THEMIS: variants seen among roughly 807,000 people sequenced by gnomAD.
THEMIS encodes the protein protein THEMIS.
In THEMIS, 37 loss-of-function variants were observed where a neutral mutation model predicts 52.6. The observed-to-expected ratio is 0.70, with a 90% CI of 0.54 to 0.93. The LOEUF (loss-of-function observed/expected upper bound fraction) is 0.93. THEMIS is among the 40% of genes least tolerant of loss of function. THEMIS has a pLI of 0.00. For synonymous variants in THEMIS, 292 were observed against 272.7 expected, an observed-to-expected ratio of 1.07 and a Z score of -0.70; for missense variants, 808 against 763.1, an observed-to-expected ratio of 1.06 and a Z score of -0.69.
At chr6:127,758,808 AAG>A (rs1035689498) in intron 4 of THEMIS, among the ~76,000 whole-genome samples, 1 of 152,140 alleles carries the variant, frequency 6.6e-6, no homozygotes, top group Non-Finnish European at 1.5e-5. Flanking sequence ...TTTTGTGAAA[AAG>A]AAACTGTTTC....
intron 5 of THEMIS, among the ~76,000 whole-genome samples, chr6:127,718,909 C>T (rs774491133): frequency 6.6e-6 from 1 of 151,686 alleles, no homozygotes; most frequent in Non-Finnish European, 1.5e-5. Flanking sequence ...ACTTCAGAGA[C>T]TTTATCTAGT....
At chr6:127,698,165 T>C in the THEMIS span, among the ~76,000 whole-genome samples, 1 of 152,166 alleles carries the variant, frequency 6.6e-6, no homozygotes. Context: ...TAACTTGATC[T>C]TATGAAATTT....
chr6:127,803,821 C>T (rs1777614098), intron 4 of THEMIS, among the ~76,000 whole-genome samples: 3 of 152,172 alleles, frequency 2.0e-5, no homozygotes. Flanking sequence ...TCTTTCCTTA[C>T]CTGATCACTT....
the THEMIS span, among the ~76,000 whole-genome samples, chr6:127,698,248 C>G: frequency 6.6e-6 from 1 of 151,918 alleles, no homozygotes; most frequent in South Asian, 2.1e-4. Flanking sequence ...GATTTTTTAA[C>G]AATGTTTAGG....
At chr6:127,740,425 G>T (rs765905286) in intron 4 of THEMIS, among the ~76,000 whole-genome samples, 1 of 152,076 alleles carries the variant, frequency 6.6e-6, no homozygotes, top group South Asian at 2.1e-4. Flanking sequence ...AAACTTTATT[G>T]GATGTAAAAT....
chr6:127,762,766 C>T (rs1289065942), intron 4 of THEMIS, among the ~76,000 whole-genome samples: 1 of 152,022 alleles, frequency 6.6e-6, no homozygotes, highest in Non-Finnish European at 1.5e-5. Flanking sequence ...TATAATTAGC[C>T]TATGGAATTG....
intron 4 of THEMIS, among the ~76,000 whole-genome samples, chr6:127,745,076 G>T (rs1326107484): frequency 6.6e-6 from 1 of 151,882 alleles, no homozygotes; most frequent in Non-Finnish European, 1.5e-5. Context: ...ATGTCAACAT[G>T]GCTCCTGAGC....
chr6:127,830,033 A>G, intron 2 of THEMIS, 99 bp from the exon 3 acceptor site: 2 of 800,100 alleles, frequency 2.5e-6, no homozygotes, highest in South Asian at 1.8e-5. Context: ...TACTGCATAC[A>G]TTTTTAAAGT....
intron 1 of THEMIS, among the ~76,000 whole-genome samples, chr6:127,897,151 C>T (rs1009482036): frequency 8.6e-5 from 13 of 151,222 alleles, no homozygotes; most frequent in African/African-American, 2.7e-4. Context: ...TATACAAAAA[C>T]ATAAACCCAG....
chr6:127,863,732 A>C (rs1373067922), intron 1 of THEMIS, among the ~76,000 whole-genome samples: 1 of 152,178 alleles, frequency 6.6e-6, no homozygotes, highest in African/African-American at 2.4e-5. Flanking sequence ...TGTGTACTTA[A>C]GTGTTCCAGG....
At chr6:127,864,629 G>A (rs1228827895) in intron 1 of THEMIS, among the ~76,000 whole-genome samples, 2 of 151,970 alleles carry the variant, frequency 1.3e-5, no homozygotes, top group Non-Finnish European at 2.9e-5. Context: ...TTCAGGAAGC[G>A]GTCACTGTAG....
At chr6:127,710,110 G>A (rs1229083116) in intron 5 of THEMIS, 94 bp from the exon 6 acceptor site, 2 of 758,334 alleles carry the variant, frequency 2.6e-6, no homozygotes, top group African/African-American at 1.9e-5. Flanking sequence ...ACACTCACAT[G>A]CATATGGTTT....
chr6:127,906,695 A>T (rs551278604), intron 1 of THEMIS, among the ~76,000 whole-genome samples: 1 of 152,132 alleles, frequency 6.6e-6, no homozygotes, highest in East Asian at 1.9e-4. Context: ...TTGTCCTCAC[A>T]CCAGTCTTGC....
intron 1 of THEMIS, chr6:127,918,359 T>C: frequency 6.6e-6 from 1 of 152,160 alleles, no homozygotes; most frequent in Non-Finnish European, 1.5e-5. Flanking sequence ...TGAGAGTATA[T>C]AAATAATTAG....
intron 4 of THEMIS, among the ~76,000 whole-genome samples, chr6:127,809,067 A>T (rs1777815274): frequency 6.6e-6 from 1 of 152,244 alleles, no homozygotes; most frequent in East Asian, 1.9e-4. Flanking sequence ...GTAAATTCAT[A>T]TAATGAAGCA....
Position 127,829,487 on chromosome 6 carries a change from C to A in THEMIS, c.698G>T (p.Gly233Val), listed in dbSNP as rs267600794. 1.9e-6 allele frequency: 3 copies of A among 1,602,582 alleles called. No individual in the cohort carries two copies. The highest frequency in any genetic ancestry group is 1.7e-5 in the Admixed American group (1 of 58,702). ...LILKPVYEIQ[G>V]VMKFRKDIIR... ...CAGTGGATACTCACATTTCATCACA[C>A]CTTGAATTTCATAAACAGGCTTGAG... Residue 233 changes from glycine to valine, a missense_variant, in exon 3 of 6, where the codon GGT becomes GTT. Transcript: ENST00000368248.
intron 4 of THEMIS, among the ~76,000 whole-genome samples, chr6:127,786,849 T>A (rs537507569): frequency 1.3e-5 from 2 of 152,290 alleles, no homozygotes; most frequent in East Asian, 1.9e-4. Context: ...CTTTGTGACG[T>A]TTTGAATTGT....
chr6:127,863,491 C>A (rs1403939089), intron 1 of THEMIS, among the ~76,000 whole-genome samples: 4 of 152,104 alleles, frequency 2.6e-5, no homozygotes, highest in Non-Finnish European at 2.9e-5. Context: ...GTTGTTTAGC[C>A]TTTGAAATCA....
downstream of THEMIS, among the ~76,000 whole-genome samples, chr6:127,703,317 G>A (rs1341886245): frequency 6.6e-6 from 1 of 152,234 alleles, no homozygotes; most frequent in East Asian, 1.9e-4. Context: ...AAAGTGCTGG[G>A]ATTACAGGCG....
Sources: allele counts gnomAD v4.1 joint callset (sites outside exome capture counted in the v4.1 genomes callset), GRCh38; gene constraint gnomAD v4.1.1; transcripts MANE v1.5; gene names NCBI Gene and HGNC (gene_info 2026-07-23, HGNC 2026-07-21).